MS4A13: variants seen among roughly 807,000 people sequenced by gnomAD.
MS4A13 encodes the protein membrane-spanning 4-domains subfamily A member 13.
In MS4A13, 21 loss-of-function variants were observed where a neutral mutation model predicts 18.4. The ratio of observed to expected loss-of-function variants is 1.14; its 90% CI spans 0.81 to 1.64. The LOEUF is 1.64. Among genes scored for constraint, MS4A13 ranks in the 40% most tolerant of loss-of-function variants. The pLI is 0.00. For synonymous variants in MS4A13, 62 were observed against 57.2 expected, an observed-to-expected ratio of 1.08 and a Z score of -0.38; for missense variants, 173 against 176.8, an observed-to-expected ratio of 0.98 and a Z score of 0.12.
chr11:60,525,192 C>T lies in MS4A13; in HGVS notation c.187-15C>T, dbSNP rs372976930. 26 of 1,548,754 alleles carry T rather than the reference C, an allele frequency of 1.7e-5. No homozygotes were observed. The highest frequency in any genetic ancestry group is 2.2e-5 in the Non-Finnish European group (25 of 1,124,976). Reference sequence around the variant, plus strand: ...ATTCTGAATATAATAAATTTGCCCTCTGTCTCCTTTTCAGATTATAAGTAC... The same window carrying T: ...ATTCTGAATATAATAAATTTGCCCTTTGTCTCCTTTTCAGATTATAAGTAC... On this transcript the variant is annotated splice_polypyrimidine_tract_variant and intron_variant, in intron 4 of 6. Coordinates refer to ENST00000378186, the MANE Select transcript of MS4A13 (RefSeq NM_001012417.3).
intron 6 of MS4A13, among the ~76,000 whole-genome samples, chr11:60,538,039 AG>A (rs1453565772): frequency 3.8e-5 from 2 of 53,072 alleles, no homozygotes; most frequent in African/African-American, 1.6e-4. Context: ...GGGTCGGGGG[AG>A]GGGGGAGGGA....
intron 3 of MS4A13, among the ~76,000 whole-genome samples, chr11:60,521,508 A>G (rs910054811): frequency 2.6e-5 from 4 of 152,300 alleles, no homozygotes; most frequent in South Asian, 2.1e-4. Flanking sequence ...AAGTTCCACA[A>G]ATCTCTAGGG....
At chr11:60,532,469 C>T (rs1221888683) in intron 6 of MS4A13, among the ~76,000 whole-genome samples, 5 of 152,102 alleles carry the variant, frequency 3.3e-5, no homozygotes, top group African/African-American at 1.2e-4. Flanking sequence ...CAGACCGGCT[C>T]AAAAAACGGC....
intron 3 of MS4A13, among the ~76,000 whole-genome samples, 171 bp downstream of exon 3, chr11:60,518,383 AG>A (rs2086652190): frequency 6.6e-6 from 1 of 152,212 alleles, no homozygotes; most frequent in Non-Finnish European, 1.5e-5. Flanking sequence ...ATATATATTG[AG>A]CACCTTTAAT....
chr11:60,537,694 T>C, intron 6 of MS4A13, among the ~76,000 whole-genome samples: 1 of 12,784 alleles, frequency 7.8e-5, no homozygotes, highest in Non-Finnish European at 1.3e-4. Context: ...CCCAAAGGAC[T>C]ATAAATCATG....
At chr11:60,518,347 C>T in intron 3 of MS4A13, 135 bp downstream of exon 3, 1 of 694,682 alleles carries the variant, frequency 1.4e-6, no homozygotes, top group Non-Finnish European at 2.2e-6. Context: ...ATAATTTATT[C>T]AAAGTCAGAT....
At chr11:60,519,830 G>A (rs919835589) in intron 3 of MS4A13, among the ~76,000 whole-genome samples, 1 of 152,204 alleles carries the variant, frequency 6.6e-6, no homozygotes, top group Admixed American at 6.5e-5. Flanking sequence ...TTAACAGAGA[G>A]TTGAAGTTCT....
intron 6 of MS4A13, among the ~76,000 whole-genome samples, chr11:60,538,374 A>G (rs2086827902): frequency 6.6e-6 from 1 of 151,384 alleles, no homozygotes; most frequent in South Asian, 2.1e-4. Flanking sequence ...ATAATAACTA[A>G]TCATGCACTG....
rs527271164 is a variant in MS4A13, at chr11:60,539,868, C to G, written c.403-2651C>G. Reference sequence around the variant, plus strand: ...TTCTTTATCCTTTAAAACTATCCCTCAAAAATGAAGGTGAAATACAGACAT... The same window carrying G: ...TTCTTTATCCTTTAAAACTATCCCTGAAAAATGAAGGTGAAATACAGACAT... On this transcript the variant is annotated intron_variant, in intron 6 of 6. Transcript: ENST00000378186. Among the ~76,000 whole-genome samples the G allele has an allele frequency of 2.6e-5, 4 of 152,196 alleles. No homozygotes were observed. The South Asian group carries it at 6.2e-4, about 24-fold the overall frequency.
chr11:60,522,239 G>GATGTATATATATATCTATCTATAT (rs71043705), intron 3 of MS4A13, among the ~76,000 whole-genome samples: 1 of 133,890 alleles, frequency 7.5e-6, no homozygotes, highest in Non-Finnish European at 1.6e-5. Context: ...TAGATAGATA[G>GATGTATATATATATCTATCTATAT]ATGTATATAT....
chr11:60,518,655 G>T (rs988711593), intron 3 of MS4A13, among the ~76,000 whole-genome samples: 2 of 152,142 alleles, frequency 1.3e-5, no homozygotes, highest in African/African-American at 4.8e-5. Context: ...ATGATATCCT[G>T]GAAGCCAAGT....
intron 6 of MS4A13, 34 bp from the exon 7 acceptor site, chr11:60,542,485 T>G (rs778344917): frequency 6.9e-7 from 1 of 1,449,302 alleles, no homozygotes; most frequent in East Asian, 2.3e-5. Flanking sequence ...TTAAGAAACA[T>G]GATATGATTT....
chr11:60,539,378 C>T (rs1039703383), intron 6 of MS4A13, among the ~76,000 whole-genome samples: 1 of 151,600 alleles, frequency 6.6e-6, no homozygotes, highest in Non-Finnish European at 1.5e-5. Flanking sequence ...CAGAGGTGAG[C>T]TGACAAAAAA....
intron 2 of MS4A13, among the ~76,000 whole-genome samples, chr11:60,517,611 G>A (rs1032345252): frequency 6.6e-6 from 1 of 152,086 alleles, no homozygotes; most frequent in Non-Finnish European, 1.5e-5. Context: ...CTCCTTGAAG[G>A]AAAAGATAAA....
chr11:60,529,255 C>CTT (rs10667098), intron 5 of MS4A13, 110 bp from the exon 6 acceptor site: 40,452 of 172,080 alleles, frequency 0.24, 7,972 homozygotes, highest in Admixed American at 0.4. Context: ...ATTTTCCTTC[C>CTT]TTTTTTTTTT....
chr11:60,527,402 C>CTGTGTGTG (rs1565212713), intron 5 of MS4A13, among the ~76,000 whole-genome samples: 306 of 81,336 alleles, frequency 3.8e-3, no homozygotes, highest in Middle Eastern at 0.014. Context: ...CTCTCTCTCT[C>CTGTGTGTG]TCTCTCTCTG....
At chr11:60,521,066 A>G (rs150884484) in intron 3 of MS4A13, among the ~76,000 whole-genome samples, 2,502 of 152,322 alleles carry the variant, frequency 0.016, 68 homozygotes, top group African/African-American at 0.056. Flanking sequence ...CCCAAGCTCT[A>G]CATTGGCCCC....
Position 60,542,507 on chromosome 11 carries a change from C to A in MS4A13, c.403-12C>A, listed in dbSNP as rs2086868506. 6.3e-7 allele frequency: 1 copy of A among 1,593,002 alleles called. No individual in the cohort carries two copies. On this transcript the variant is annotated splice_polypyrimidine_tract_variant and intron_variant, in intron 6 of 6. Transcript: ENST00000378186. The stretch of plus-strand genomic sequence containing the variant: ...ACATGATATGATTTGTAAGAGGTTA[C>A]TTTTTTTCCAGTTTCGAAGACAAAA...
In MS4A13 at chr11:60,518,271, G is replaced by A. The variant is rs2086651376; in HGVS notation, c.129+59G>A. On this transcript the variant is annotated intron_variant, in intron 3 of 6. Coordinates refer to ENST00000378186, the MANE Select transcript of MS4A13 (RefSeq NM_001012417.3). ...ACAATAAATAATATTCATGCCAATA[G>A]TAGAAGGTAGGGAACGGTTTCTGAA... is the stretch of plus-strand genomic sequence containing the variant. The A allele has an allele frequency of 2.9e-6, 4 of 1,393,934 alleles. No individual in the cohort carries two copies. In the Admixed American group the frequency reaches 6.4e-5, roughly 22 times the overall value. The allele number at this position is 1,393,934 out of a possible 1,614,324, so 86.3% of individuals were successfully genotyped here.
Sources: allele counts gnomAD v4.1 joint callset (sites outside exome capture counted in the v4.1 genomes callset), GRCh38; gene constraint gnomAD v4.1.1; transcripts MANE v1.5; gene names NCBI Gene and HGNC (gene_info 2026-07-23, HGNC 2026-07-21).